Variants in MRAP2 observed in about 807,000 individuals in gnomAD.
The protein encoded by MRAP2 is melanocortin-2 receptor accessory protein 2.
Under a neutral mutation model 17.4 loss-of-function variants are expected in MRAP2, and 20 were observed. That is an observed-to-expected ratio of 1.15 (90% CI 0.81 to 1.67). The LOEUF is 1.67. Ranked by LOEUF, MRAP2 falls within the 40% of genes most tolerant of loss-of-function variation. The pLI is 0.00. For synonymous variants in MRAP2, 96 were observed against 88.4 expected, an observed-to-expected ratio of 1.09 and a Z score of -0.48; for missense variants, 238 against 240.0, an observed-to-expected ratio of 0.99 and a Z score of 0.05.
chr6:84,121,590 G>C, the MRAP2 span, among the ~76,000 whole-genome samples: 1 of 152,068 alleles, frequency 6.6e-6, no homozygotes, highest in African/African-American at 2.4e-5. Flanking sequence ...GTTGTAGTGA[G>C]CCGAGATTAC....
At chr6:84,065,078 A>C (rs957257507) in intron 3 of MRAP2, among the ~76,000 whole-genome samples, 1 of 152,192 alleles carries the variant, frequency 6.6e-6, no homozygotes, top group Non-Finnish European at 1.5e-5. Flanking sequence ...TGAGCTGAGG[A>C]GTTCGAGAAC....
intron 1 of MRAP2, among the ~76,000 whole-genome samples, chr6:84,050,162 G>C (rs1403906055): frequency 6.6e-6 from 1 of 152,114 alleles, no homozygotes; most frequent in Non-Finnish European, 1.5e-5. Context: ...CACGCCCCAG[G>C]AAAGACATCA....
chr6:84,047,732 A>G (rs1364091788), intron 1 of MRAP2, among the ~76,000 whole-genome samples: 2 of 152,180 alleles, frequency 1.3e-5, no homozygotes, highest in East Asian at 3.9e-4. Context: ...CCACCATTCT[A>G]TTAGGTTGGT....
At chr6:84,120,800 C>T in the MRAP2 span, among the ~76,000 whole-genome samples, 1 of 152,046 alleles carries the variant, frequency 6.6e-6, no homozygotes, top group Non-Finnish European at 1.5e-5. Flanking sequence ...GATAAAAATA[C>T]ACAAAACACA....
At chr6:84,067,905 C>T (rs2129169572) in intron 3 of MRAP2, among the ~76,000 whole-genome samples, 1 of 152,194 alleles carries the variant, frequency 6.6e-6, no homozygotes, top group South Asian at 2.1e-4. Flanking sequence ...TAAGTTCCAA[C>T]TATTTATCTT....
At chr6:84,111,674 C>G in the MRAP2 span, among the ~76,000 whole-genome samples, 4 of 152,192 alleles carry the variant, frequency 2.6e-5, no homozygotes, top group Admixed American at 2.6e-4. Context: ...GCATCCCTGT[C>G]TTGTGCCAGT....
At chr6:84,059,060 G>A (rs2129166181) in intron 2 of MRAP2, among the ~76,000 whole-genome samples, 1 of 152,254 alleles carries the variant, frequency 6.6e-6, no homozygotes, top group East Asian at 1.9e-4. Context: ...GAGTGTGGCT[G>A]GGTGAGACAG....
At chr6:84,124,100 ACT>A in the MRAP2 span, 1 of 151,918 alleles carries the variant, frequency 6.6e-6, no homozygotes, top group Non-Finnish European at 1.5e-5. Flanking sequence ...GAACATGAAT[ACT>A]CTCTTGGTGG....
chr6:84,049,568 C>T (rs2099489869), intron 1 of MRAP2, among the ~76,000 whole-genome samples: 1 of 152,148 alleles, frequency 6.6e-6, no homozygotes, highest in Non-Finnish European at 1.5e-5. Context: ...CTTTGAGACA[C>T]CAGCTGGTGA....
At chr6:84,064,539 G>C (rs867873660) in intron 3 of MRAP2, among the ~76,000 whole-genome samples, 9 of 152,152 alleles carry the variant, frequency 5.9e-5, no homozygotes, top group South Asian at 4.1e-4. Context: ...CCAGGCTGGA[G>C]TGCAGTGGCG....
At chr6:84,053,919 A>G (rs907281512) in intron 1 of MRAP2, among the ~76,000 whole-genome samples, 1 of 151,976 alleles carries the variant, frequency 6.6e-6, no homozygotes, top group Admixed American at 6.6e-5. Context: ...TGTGGAGTCC[A>G]TGTCTGGGAT....
the MRAP2 span, among the ~76,000 whole-genome samples, chr6:84,133,128 C>T: frequency 3.9e-5 from 6 of 152,162 alleles, no homozygotes; most frequent in African/African-American, 1.4e-4. Flanking sequence ...GAGGTCCACT[C>T]CAGACACTGT....
At chr6:84,068,644 T>A (rs759696693) in intron 3 of MRAP2, among the ~76,000 whole-genome samples, 15 of 152,054 alleles carry the variant, frequency 9.9e-5, no homozygotes, top group Non-Finnish European at 2.2e-4. Flanking sequence ...TTGTTTTTTG[T>A]TTTTTTGTGT....
At chr6:84,118,686 G>A in the MRAP2 span, among the ~76,000 whole-genome samples, 2 of 151,950 alleles carry the variant, frequency 1.3e-5, no homozygotes, top group African/African-American at 4.9e-5. Flanking sequence ...GCTCTACCCT[G>A]TTGCCAGTGG....
chr6:84,082,109 T>G (rs765275166), intron 3 of MRAP2, among the ~76,000 whole-genome samples: 7 of 152,172 alleles, frequency 4.6e-5, no homozygotes, highest in African/African-American at 7.2e-5. Context: ...CCCTTAAAAT[T>G]CACCAAGTTT....
At chr6:84,101,218 A>G in the MRAP2 span, among the ~76,000 whole-genome samples, 1 of 152,204 alleles carries the variant, frequency 6.6e-6, no homozygotes, top group Admixed American at 6.5e-5. Context: ...CCTACTGAAT[A>G]TACACTGGCC....
intron 3 of MRAP2, among the ~76,000 whole-genome samples, chr6:84,076,448 T>G (rs895339192): frequency 3.3e-5 from 5 of 152,044 alleles, no homozygotes; most frequent in African/African-American, 1.2e-4. Context: ...GGTCTGGAAC[T>G]CCTACCCTCA....
At chr6:84,126,412 A>G in the MRAP2 span, 3 of 1,602,732 alleles carry the variant, frequency 1.9e-6, no homozygotes, top group Non-Finnish European at 2.6e-6. Flanking sequence ...TGCATGTCTC[A>G]TTTCCATCTG....
chr6:84,081,372 T>C (rs2099498942), intron 3 of MRAP2, among the ~76,000 whole-genome samples: 2 of 152,228 alleles, frequency 1.3e-5, no homozygotes, highest in Admixed American at 1.3e-4. Context: ...TTTGATTCTG[T>C]GTCCCTACCC....
Sources: allele counts gnomAD v4.1 joint callset (sites outside exome capture counted in the v4.1 genomes callset), GRCh38; gene constraint gnomAD v4.1.1; transcripts MANE v1.5; gene names NCBI Gene and HGNC (gene_info 2026-07-23, HGNC 2026-07-21).